Variants in PSME4 observed in about 807,000 individuals in gnomAD.
PSME4 encodes the protein proteasome activator complex subunit 4.
In PSME4, 89 loss-of-function variants were observed where a neutral mutation model predicts 253.9. That is an observed-to-expected ratio of 0.35 (90% CI 0.30 to 0.42). The LOEUF (loss-of-function observed/expected upper bound fraction) is 0.42, where lower values mean the gene tolerates loss of function less well. Ranked by LOEUF, PSME4 falls within the 10% of genes least tolerant of loss-of-function variation. PSME4 has a pLI of 1.00. For missense variants in PSME4, 2,014 were observed against 2,195.2 expected (o/e 0.92, Z 1.65); for synonymous variants, 851 against 759.2 (o/e 1.12, Z -1.99).
At position 53,951,724 on chromosome 2, in the gene PSME4, T is replaced by C. The variant is rs557362338; in HGVS notation, c.243-2441A>G. 3.9e-5 allele frequency among the ~76,000 whole-genome samples: 6 copies of C among 152,344 alleles called. No homozygotes were observed. The South Asian group carries it at 6.2e-4, about 16-fold the overall frequency. ...GCTCATGGAGTTTTCCAATTTCTAA[T>C]TTTTGGATTTGAGATGCTCAATCGG... On this transcript the variant is annotated intron_variant, in intron 1 of 46. Transcript: ENST00000404125.
At chr2:53,955,657 C>A (rs1249205131) in intron 1 of PSME4, among the ~76,000 whole-genome samples, 1 of 152,162 alleles carries the variant, frequency 6.6e-6, no homozygotes, top group Non-Finnish European at 1.5e-5. Context: ...CACAGTGGCT[C>A]ATGTCTGCAA....
At chr2:53,868,259 C>G (rs993735384) in intron 44 of PSME4, among the ~76,000 whole-genome samples, 2 of 151,130 alleles carry the variant, frequency 1.3e-5, no homozygotes, top group African/African-American at 4.9e-5. Flanking sequence ...GAGTTCAAGA[C>G]CAGCCTGATC....
intron 1 of PSME4, among the ~76,000 whole-genome samples, chr2:53,963,735 A>C (rs1234024189): frequency 3.9e-5 from 6 of 152,260 alleles, no homozygotes; most frequent in African/African-American, 1.2e-4. Flanking sequence ...ACTCAGAAGT[A>C]AAATCACAAA....
At position 53,887,397 on chromosome 2, in the gene PSME4, G is replaced by C. The variant is rs1282992215; in HGVS notation, c.4591C>G (p.Pro1531Ala). 6.2e-7 allele frequency: 1 copy of C among 1,613,822 alleles called. No homozygotes were observed. The highest frequency in any genetic ancestry group is 8.5e-7 in the Non-Finnish European group (1 of 1,179,844). Reference protein sequence around the residue: ...NTTPTISPHVPEFTARILEKL... With the variant: ...NTTPTISPHVAEFTARILEKL... ...TCCAGAATTCGAGCAGTAAACTCAGGGACATGAGGCGATATGGTTGGTGTG... is the reference window on the plus strand; with the variant it reads ...TCCAGAATTCGAGCAGTAAACTCAGCGACATGAGGCGATATGGTTGGTGTG... Residue 1531 changes from proline to alanine, a missense_variant, in exon 40 of 47, where the codon CCT (proline) becomes GCT (alanine). Coordinates refer to ENST00000404125, the MANE Select transcript of PSME4 (RefSeq NM_014614.3).
intron 21 of PSME4, 129 bp downstream of exon 21, chr2:53,909,946 G>A: frequency 1.2e-6 from 1 of 834,574 alleles, no homozygotes; most frequent in Non-Finnish European, 2.1e-6. Flanking sequence ...CTCCAGCCTG[G>A]GAGACAGAGT....
intron 19 of PSME4, 139 bp from the exon 20 acceptor site, chr2:53,919,385 T>C: frequency 1.7e-6 from 2 of 1,180,858 alleles, no homozygotes; most frequent in African/African-American, 3.2e-5. Flanking sequence ...GTTTACCAAC[T>C]TAACAGTGAA....
At chr2:53,948,399 T>A (rs769397454) in intron 3 of PSME4, 22 bp downstream of exon 3, 1 of 1,486,748 alleles carries the variant, frequency 6.7e-7, no homozygotes, top group Non-Finnish European at 9.4e-7. Flanking sequence ...CCCAAATAAG[T>A]GCTTTAAATG....
intron 42 of PSME4, among the ~76,000 whole-genome samples, chr2:53,874,854 A>T (rs1052039521): frequency 2.6e-5 from 4 of 152,208 alleles, no homozygotes; most frequent in Non-Finnish European, 4.4e-5. Flanking sequence ...CTGAGACAAG[A>T]GAATCGCATG....
At chr2:53,922,720 G>A (rs1230773937) in intron 16 of PSME4, 136 bp from the exon 17 acceptor site, 3 of 1,136,048 alleles carry the variant, frequency 2.6e-6, no homozygotes, top group Non-Finnish European at 2.4e-6. Context: ...TCTTCTTCAT[G>A]AAGCTGAGCT....
intron 5 of PSME4, among the ~76,000 whole-genome samples, chr2:53,937,189 C>T (rs1375663920): frequency 6.6e-6 from 1 of 152,084 alleles, no homozygotes; most frequent in Non-Finnish European, 1.5e-5. Flanking sequence ...TTTCTTAAAG[C>T]CCTCATCTTA....
chr2:53,926,101 C>T, intron 12 of PSME4, 78 bp from the exon 13 acceptor site: 1 of 1,151,122 alleles, frequency 8.7e-7, no homozygotes, highest in Admixed American at 1.8e-5. Flanking sequence ...TCAATTATTG[C>T]CTGCCAAATG....
In PSME4 at chr2:53,892,819, T is replaced by A; in HGVS notation, c.4180A>T (p.Thr1394Ser). The change falls in exon 36 of 47, where the codon ACA becomes TCA. Residue 1394 changes from threonine (T) to serine (S), a missense_variant. Physicochemically the swap from Thr to Ser is moderately conservative, Grantham distance 58 (BLOSUM62 1). Coordinates refer to ENST00000404125, the MANE Select transcript of PSME4 (RefSeq NM_014614.3). ...AGLIRGSKHWTFEKVEKLWEL... is the reference protein window; with the variant it reads ...AGLIRGSKHWSFEKVEKLWEL... ...TATTAATACATCACCTTTTCAAATG[T>A]CCAGTGCTTAGAACCTCTGATTAAA... 6.2e-7 allele frequency: 1 copy of A among 1,612,070 alleles called. No individual in the cohort carries two copies. Among genetic ancestry groups the A allele is most frequent in the African/African-American group, 1.3e-5 (1 of 74,968 alleles).
At chr2:53,868,614 C>A (rs805384) in intron 44 of PSME4, among the ~76,000 whole-genome samples, 40,105 of 130,182 alleles carry the variant, frequency 0.31, 6,280 homozygotes, top group South Asian at 0.47. Context: ...TATATACATA[C>A]ATATATATAT....
chr2:53,884,317 T>G (rs1174623840), intron 41 of PSME4, among the ~76,000 whole-genome samples: 1 of 152,162 alleles, frequency 6.6e-6, no homozygotes, highest in East Asian at 1.9e-4. Flanking sequence ...TTCAAGCGAT[T>G]CTCCTGCCTC....
chr2:53,919,971 A>C (rs1668223421), intron 19 of PSME4, among the ~76,000 whole-genome samples: 1 of 152,128 alleles, frequency 6.6e-6, no homozygotes, highest in African/African-American at 2.4e-5. Flanking sequence ...GAAGGTAATA[A>C]AAAAAATTAG....
chr2:53,938,827 G>A (rs868247137), intron 4 of PSME4, among the ~76,000 whole-genome samples: 18 of 152,024 alleles, frequency 1.2e-4, no homozygotes, highest in African/African-American at 3.6e-4. Flanking sequence ...TTCACAAAGC[G>A]TTTATGTGTC....
chr2:53,894,685 T>C (rs1291858669), intron 34 of PSME4, among the ~76,000 whole-genome samples: 3 of 152,172 alleles, frequency 2.0e-5, no homozygotes, highest in African/African-American at 4.8e-5. Context: ...AAACTAAAAA[T>C]CAGTCATTAA....
In PSME4 at chr2:53,910,136, T is replaced by C; in HGVS notation, c.2517-6A>G. The C allele has an allele frequency of 6.2e-7, 1 of 1,603,606 alleles. No homozygotes were observed. Among genetic ancestry groups the C allele is most frequent in the Non-Finnish European group, 8.5e-7 (1 of 1,170,470 alleles). On this transcript the variant is annotated splice_region_variant and splice_polypyrimidine_tract_variant and intron_variant, in intron 20 of 46. Coordinates refer to ENST00000404125, the MANE Select transcript of PSME4 (RefSeq NM_014614.3). ...AGGACACCATACTTGGTACTCTGTA[T>C]AAAAACAAGAGTGCTTGCATTTATT...
At chr2:53,877,032 G>A (rs1008333478) in intron 41 of PSME4, among the ~76,000 whole-genome samples, 4 of 151,838 alleles carry the variant, frequency 2.6e-5, no homozygotes, top group African/African-American at 9.7e-5. Context: ...ATCCGTATTT[G>A]TTTTAATGAA....
Sources: allele counts gnomAD v4.1 joint callset (sites outside exome capture counted in the v4.1 genomes callset), GRCh38; gene constraint gnomAD v4.1.1; transcripts MANE v1.5; gene names NCBI Gene and HGNC (gene_info 2026-07-23, HGNC 2026-07-21).